The following PER3 variants were observed in gnomAD, a reference collection of about 807,000 sequenced individuals.
The protein encoded by PER3 is period circadian protein homolog 3.
In PER3, 107 loss-of-function variants were observed where a neutral mutation model predicts 127.2. The ratio of observed to expected loss-of-function variants is 0.84; its 90% CI spans 0.72 to 0.99. The LOEUF is 0.99. PER3 is among the 50% of genes least tolerant of loss of function. PER3 has a pLI of 0.00. For missense variants in PER3, 1,560 were observed against 1,525.8 expected, an observed-to-expected ratio of 1.02 and a Z score of -0.37; for synonymous variants, 618 against 585.8, an observed-to-expected ratio of 1.05 and a Z score of -0.79.
intron 21 of PER3, among the ~76,000 whole-genome samples, chr1:7,837,980 G>T (rs1181271517): frequency 1.3e-5 from 2 of 152,146 alleles, no homozygotes; most frequent in African/African-American, 2.4e-5. Context: ...CAGGAGGATT[G>T]CTTGAGCCTG....
intron 16 of PER3, among the ~76,000 whole-genome samples, chr1:7,824,979 GT>G (rs2097294700): frequency 6.6e-6 from 1 of 151,764 alleles, no homozygotes; most frequent in Non-Finnish European, 1.5e-5. Context: ...CACCTCCCTT[GT>G]TTCTTATCCT....
At chr1:7,804,777 C>T (rs988788722) in intron 10 of PER3, among the ~76,000 whole-genome samples, 6 of 152,000 alleles carry the variant, frequency 3.9e-5, no homozygotes, top group Admixed American at 6.6e-5. Flanking sequence ...TGCCCATCCA[C>T]GTAACAGCAT....
chr1:7,826,087 G>A lies in PER3; in HGVS notation c.1958-393G>A, dbSNP rs563138908. Among the ~76,000 whole-genome samples the A allele has an allele frequency of 3.9e-5, 6 of 152,210 alleles. No individual in the cohort carries two copies. Among genetic ancestry groups the A allele is most frequent in the African/African-American group, 1.2e-4 (5 of 41,528 alleles). Reference sequence around the variant, plus strand: ...GAAACAAATGAGAACTAGACAGAGCGTGGACGGGGGTGAGGGGAATTTACT... The same window carrying A: ...GAAACAAATGAGAACTAGACAGAGCATGGACGGGGGTGAGGGGAATTTACT... On this transcript the variant is annotated intron_variant, in intron 16 of 21. Transcript: ENST00000377532. This position sits in a 1 kb window ranked among gnomAD's most constrained non-coding sequence, Gnocchi z 4.2.
At chr1:7,820,320 T>C in intron 15 of PER3, 81 bp downstream of exon 15, 1 of 1,489,532 alleles carries the variant, frequency 6.7e-7, no homozygotes, top group Non-Finnish European at 9.1e-7. Flanking sequence ...CTTATATTGT[T>C]ATAAGCATAA....
chr1:7,786,442 C>T (rs925088198), intron 3 of PER3, among the ~76,000 whole-genome samples: 1 of 151,912 alleles, frequency 6.6e-6, no homozygotes, highest in African/African-American at 2.4e-5. Context: ...TGTTTCTGCT[C>T]CCCCCGCAAA....
chr1:7,830,655 A>G (rs1380085765), intron 19 of PER3, among the ~76,000 whole-genome samples: 2 of 152,184 alleles, frequency 1.3e-5, no homozygotes, highest in South Asian at 2.1e-4. Flanking sequence ...AGTTTTGTGT[A>G]TGGTATGAGG....
rs769623887 is a variant in PER3 at position 7,803,064 on chromosome 1, G to C, written c.890G>C (p.Gly297Ala). ...TATCCCAGAGCAGTGCCTTTGCTGG[G>C]TTACCTACCTCAGGACCTGATTGGA... ...EVDEKAVPLLGYLPQDLIGTS... is the reference protein window; with the variant it reads ...EVDEKAVPLLAYLPQDLIGTS... Residue 297 changes from glycine to alanine, a missense_variant, in exon 9 of 22, where the codon GGT becomes GCT. By Grantham distance (60) the Gly-to-Ala change is moderately conservative. Around this residue, in one of 3 missense-constraint regions of PER3, gnomAD observed 1,332 missense variants for 1,223.6 expected, o/e 1.09. Transcript: ENST00000377532. 1 of 1,609,030 alleles carries C rather than the reference G, an allele frequency of 6.2e-7. No individual in the cohort carries two copies. The highest frequency in any genetic ancestry group is 1.1e-5 in the South Asian group (1 of 90,976).
At chr1:7,829,790 G>C in intron 18 of PER3, 44 bp from the exon 19 acceptor site, 1 of 1,488,584 alleles carries the variant, frequency 6.7e-7, no homozygotes, top group South Asian at 1.2e-5. Flanking sequence ...TGTATTTTGT[G>C]ATAAGAAGAT....
rs1448163210 is a variant in PER3 at position 7,830,224 on chromosome 1, T to G, written c.3214+63T>G. The G allele has an allele frequency of 2.1e-6, 3 of 1,404,446 alleles. No individual in the cohort carries two copies. The East Asian group carries it at 6.9e-5, about 32-fold the overall frequency. The allele number at this position is 1,404,446 out of a possible 1,614,324, so 87.0% of individuals were successfully genotyped here. ...GCCAGACATTCACTATGTGCTGAGC[T>G]CTCACTGTGTGCCCCAGGCACTGAT... On this transcript the variant is annotated intron_variant, in intron 19 of 21. Transcript: ENST00000377532.
intron 10 of PER3, among the ~76,000 whole-genome samples, chr1:7,807,117 T>C (rs1184198328): frequency 4.0e-5 from 6 of 151,588 alleles, no homozygotes; most frequent in Non-Finnish European, 8.8e-5. Context: ...GATCCAGGAG[T>C]GAACAAAGTA....
In PER3 at chr1:7,826,551, T is replaced by C; in HGVS notation, c.2029T>C (p.Phe677Leu). 1 of 1,614,060 alleles carries C rather than the reference T, an allele frequency of 6.2e-7. No individual in the cohort carries two copies. Among genetic ancestry groups the C allele is most frequent in the Non-Finnish European group, 8.5e-7 (1 of 1,179,914 alleles). ...GCCAGCCCCTTTGACCTCGGAAGAA[T>C]TTAAACACGTGGGGCTCACAGCGGC... ...MQPAPLTSEE[F>L]KHVGLTAAVL... Residue 677 changes from phenylalanine (F) to leucine (L), a missense_variant, in exon 17 of 22, where the codon TTT becomes CTT. Coordinates refer to ENST00000377532, the MANE Select transcript of PER3 (RefSeq NM_001377275.1). This position sits in a 1 kb window ranked among gnomAD's most constrained non-coding sequence, Gnocchi z 4.2.
intron 2 of PER3, 100 bp downstream of exon 2, chr1:7,785,105 C>G: frequency 7.5e-7 from 1 of 1,330,830 alleles, no homozygotes; most frequent in Non-Finnish European, 1.0e-6. Context: ...TGTTTTCAAG[C>G]CCAGGGGAAA....
chr1:7,820,503 T>G lies in PER3; in HGVS notation c.1820T>G (p.Met607Arg). 2.5e-6 allele frequency: 4 copies of G among 1,613,590 alleles called. No homozygotes were observed. The highest frequency in any genetic ancestry group is 2.5e-6 in the Non-Finnish European group (3 of 1,179,844). ...ATCCCAGCCATACCTAAATCAGAAA[T>G]GCCAACAAATGGACGGTCCATAGAC... The part of the protein sequence containing the change: ...LQIPAIPKSE[M>R]PTNGRSIDTG... Residue 607 changes from methionine (M) to arginine (R), a missense_variant, in exon 16 of 22, where the codon ATG (methionine) becomes AGG (arginine). Transcript: ENST00000377532.
At position 7,784,582 on chromosome 1, in the gene PER3, C is replaced by T. The variant is rs1485307954; in HGVS notation, c.-224-72C>T. The T allele has an allele frequency of 1.5e-5, 4 of 259,280 alleles. No homozygotes were observed. The East Asian group carries it at 2.2e-4, about 14-fold the overall frequency. The allele number at this position is 259,280 out of a possible 1,614,324, so 16.1% of individuals were successfully genotyped here. ...TGAGGACCGCGCGGTCGGGGCGCCC[C>T]AGCCAGCCGGGCCGCTGGCGTCGGA... On this transcript the variant is annotated intron_variant, in intron 1 of 21. Transcript: ENST00000377532.
At chr1:7,792,118 C>G (rs544028876) in intron 5 of PER3, among the ~76,000 whole-genome samples, 1 of 152,212 alleles carries the variant, frequency 6.6e-6, no homozygotes, top group East Asian at 1.9e-4. Flanking sequence ...AAAGACATAC[C>G]CAAGACTGGG....
chr1:7,810,600 G>A lies in PER3; in HGVS notation c.1522+12G>A, dbSNP rs201376079. 165 of 1,601,120 alleles carry A rather than the reference G, an allele frequency of 1.0e-4. No homozygotes were observed. Among genetic ancestry groups the A allele is most frequent in the Middle Eastern group, 1.7e-4 (1 of 5,992 alleles). On this transcript the variant is annotated intron_variant, in intron 13 of 21. Transcript: ENST00000377532. ...AGCGAATGGTGGTGGTGAGTCAGCCGGCAGCCCCAAGGATCTCCTTCCATG... is the reference window on the plus strand; with the variant it reads ...AGCGAATGGTGGTGGTGAGTCAGCCAGCAGCCCCAAGGATCTCCTTCCATG...
In PER3 at chr1:7,827,210, T is replaced by G; in HGVS notation, c.2281T>G (p.Ser761Ala). ...GCCGGAGCCGCCAGACAGCAGCAGC[T>G]CGAACACCGGCTCTGGTCCCCGCAG... ...KLPEPPDSSSSNTGSGPRRGA... is the reference protein window; with the variant it reads ...KLPEPPDSSSANTGSGPRRGA... The change falls in exon 18 of 22, where the codon TCG becomes GCG. Residue 761 changes from serine to alanine, a missense_variant. Transcript: ENST00000377532. 1 of 1,613,852 alleles carries G rather than the reference T, an allele frequency of 6.2e-7. No individual in the cohort carries two copies. The highest frequency in any genetic ancestry group is 1.1e-5 in the South Asian group (1 of 91,072).
At chr1:7,835,191 T>C (rs2097352178) in intron 19 of PER3, among the ~76,000 whole-genome samples, 1 of 152,184 alleles carries the variant, frequency 6.6e-6, no homozygotes, top group African/African-American at 2.4e-5. Context: ...GGTATTTTGA[T>C]GGTGCATTTG....
At position 7,810,521 on chromosome 1, in the gene PER3, ATCAT is replaced by A. The variant is rs767408069; in HGVS notation, c.1459_1462del (p.Phe487SerfsTer3). ...TCTACATTGAGTCAATGACCAAATC[ATCAT>A]TCAAGCCAGTGACGGGGACACGCAC... On this transcript the variant is annotated frameshift_variant, in exon 13 of 22. Transcript: ENST00000377532. LOFTEE classifies it high-confidence loss of function. The A allele has an allele frequency of 6.2e-7, 1 of 1,613,804 alleles. No individual in the cohort carries two copies. The highest frequency in any genetic ancestry group is 8.5e-7 in the Non-Finnish European group (1 of 1,179,884).
Sources: allele counts gnomAD v4.1 joint callset (sites outside exome capture counted in the v4.1 genomes callset), GRCh38; gene constraint gnomAD v4.1.1; regional missense constraint gnomAD v4.1.1; non-coding constraint Gnocchi (gnomAD v3.1); transcripts MANE v1.5; gene names NCBI Gene and HGNC (gene_info 2026-07-23, HGNC 2026-07-21).